The following PARD3B variants were observed in gnomAD, a reference collection of about 807,000 sequenced individuals.
PARD3B encodes the protein par-3 family cell polarity regulator beta, also known as partitioning defective 3 homolog B.
A neutral mutation model predicts 130.2 loss-of-function variants in PARD3B; 103 were observed. The observed-to-expected ratio is 0.79, with a 90% CI of 0.67 to 0.93. PARD3B has a LOEUF of 0.93. PARD3B is among the 40% of genes least tolerant of loss of function. The probability of loss-of-function intolerance (pLI) is 0.00; values close to 1 mark genes in which losing one functional copy is unlikely to be tolerated. For missense variants in PARD3B, 1,609 were observed against 1,499.2 expected (o/e 1.07, Z -1.21); for synonymous variants, 583 against 553.2 (o/e 1.05, Z -0.76).
At chr2:204,603,688 C>G (rs1004280270) in intron 1 of PARD3B, among the ~76,000 whole-genome samples, 6 of 152,054 alleles carry the variant, frequency 3.9e-5, no homozygotes, top group African/African-American at 9.7e-5. Context: ...CTTGATCACT[C>G]CAGCACAATT....
At chr2:205,184,767 T>TACAC (rs925997161) in intron 13 of PARD3B, among the ~76,000 whole-genome samples, 1 of 150,158 alleles carries the variant, frequency 6.7e-6, no homozygotes, top group Non-Finnish European at 1.5e-5. Context: ...AATAAATATA[T>TACAC]ACACACACAC....
In PARD3B at chr2:204,619,156, C is replaced by T. The variant is rs116791840; in HGVS notation, c.121-67025C>T. Among the ~76,000 whole-genome samples, 263 of 152,202 alleles carry T rather than the reference C, an allele frequency of 1.7e-3. 2 individuals carry two copies. The highest frequency in any genetic ancestry group is 6.1e-3 in the African/African-American group (253 of 41,540). On this transcript the variant is annotated intron_variant, in intron 1 of 22. Coordinates refer to ENST00000406610, the MANE Select transcript of PARD3B (RefSeq NM_001302769.2). ...AGAGGGCTGGATATTGGGTTTGTGG[C>T]TGTTCAGCAAGGTTGCAATGCTGAG...
rs1559205012 is a variant in PARD3B at position 204,858,926 on chromosome 2, C to G, written c.223-106226C>G. Among the ~76,000 whole-genome samples, 3 of 151,354 alleles carry G rather than the reference C, an allele frequency of 2.0e-5. No individual in the cohort carries two copies. The East Asian group carries it at 5.8e-4, about 29-fold the overall frequency. ...TTCAGAGTATTTATTGCTTTTAACC[C>G]TCACAAAATTATGCATCATTCTCAT... On this transcript the variant is annotated intron_variant, in intron 2 of 22. Coordinates refer to ENST00000406610, the MANE Select transcript of PARD3B (RefSeq NM_001302769.2).
intron 2 of PARD3B, among the ~76,000 whole-genome samples, chr2:204,946,729 T>C (rs1226808524): frequency 1.3e-5 from 2 of 152,136 alleles, no homozygotes; most frequent in Non-Finnish European, 2.9e-5. Flanking sequence ...GGAGAAGACC[T>C]AAGATCTGTA....
In PARD3B at chr2:205,091,568, G is replaced by A. The variant is rs1296548783; in HGVS notation, c.505-12858G>A. Among the ~76,000 whole-genome samples, 3 of 152,086 alleles carry A rather than the reference G, an allele frequency of 2.0e-5. No homozygotes were observed. The highest frequency in any genetic ancestry group is 2.9e-5 in the Non-Finnish European group (2 of 68,014). The stretch of plus-strand genomic sequence containing the variant: ...TATCACTATTTAAGGATGTGTCTGC[G>A]AAAACATTTATCATCATCTCAGTGC... On this transcript the variant is annotated intron_variant, in intron 4 of 22. Coordinates refer to ENST00000406610, the MANE Select transcript of PARD3B (RefSeq NM_001302769.2). This position sits in a 1 kb window ranked among gnomAD's most constrained non-coding sequence, Gnocchi z 4.2.
intron 3 of PARD3B, among the ~76,000 whole-genome samples, chr2:204,987,799 A>C (rs986726527): frequency 6.6e-6 from 1 of 152,120 alleles, no homozygotes; most frequent in African/African-American, 2.4e-5. Context: ...TATCAGAAAA[A>C]ATTAGAAACA....
chr2:205,034,414 T>G (rs561615594), intron 3 of PARD3B, among the ~76,000 whole-genome samples: 1 of 152,326 alleles, frequency 6.6e-6, no homozygotes, highest in Non-Finnish European at 1.5e-5. Flanking sequence ...TTGTTGATGA[T>G]TGGTCTTCCA....
At chr2:204,622,372 C>T (rs1345715887) in intron 1 of PARD3B, among the ~76,000 whole-genome samples, 2 of 152,074 alleles carry the variant, frequency 1.3e-5, no homozygotes, top group African/African-American at 4.8e-5. Context: ...CCTCATTGTC[C>T]GTGTATGGCA....
chr2:205,462,095 A>G (rs2048471629), intron 20 of PARD3B, among the ~76,000 whole-genome samples: 1 of 152,196 alleles, frequency 6.6e-6, no homozygotes, highest in South Asian at 2.1e-4. Context: ...TAGCTTAGTG[A>G]CTAAAGAAAT....
chr2:204,983,421 G>C (rs542426222), intron 3 of PARD3B, among the ~76,000 whole-genome samples: 4 of 144,318 alleles, frequency 2.8e-5, no homozygotes, highest in Admixed American at 1.4e-4. Context: ...GGAGAGGAAG[G>C]GGGGAGGAGA....
Position 205,550,925 on chromosome 2 carries a change from G to A in PARD3B, c.3181-2399G>A, listed in dbSNP as rs1419075033. 0.016 allele frequency among the ~76,000 whole-genome samples: 538 copies of A among 34,316 alleles called. 4 individuals carry two copies. Among genetic ancestry groups the A allele is most frequent in the African/African-American group, 0.034 (490 of 14,554 alleles). The allele number at this position is 34,316 out of a possible 152,430, so 22.5% of individuals were successfully genotyped here. A position where few individuals can be genotyped will look rare whatever the true frequency, so the allele number is the denominator to read the frequency against. ...TCATGTTATAAATACATATAATTATGTGTGTGTGTGTGTGTGTATATATAT... is the reference window on the plus strand; with the variant it reads ...TCATGTTATAAATACATATAATTATATGTGTGTGTGTGTGTGTATATATAT... On this transcript the variant is annotated intron_variant, in intron 21 of 22. Coordinates refer to ENST00000406610, the MANE Select transcript of PARD3B (RefSeq NM_001302769.2). This position sits in a 1 kb window ranked among gnomAD's most constrained non-coding sequence, Gnocchi z 4.5.
chr2:204,572,238 G>A (rs1006533551), intron 1 of PARD3B, among the ~76,000 whole-genome samples: 3 of 152,136 alleles, frequency 2.0e-5, no homozygotes, highest in African/African-American at 7.2e-5. Context: ...TAAGATATGG[G>A]GTGCCTGGCC....
At chr2:205,295,750 A>G (rs1046035480) in intron 16 of PARD3B, among the ~76,000 whole-genome samples, 6 of 152,178 alleles carry the variant, frequency 3.9e-5, no homozygotes, top group Non-Finnish European at 8.8e-5. Context: ...AAACATTGCC[A>G]ATTAAATCTC....
intron 4 of PARD3B, among the ~76,000 whole-genome samples, chr2:205,056,169 G>T (rs1310524850): frequency 6.6e-6 from 1 of 151,938 alleles, no homozygotes; most frequent in Non-Finnish European, 1.5e-5. Context: ...ATTTCTTTGA[G>T]CATGGTGTGA....
intron 2 of PARD3B, among the ~76,000 whole-genome samples, chr2:204,815,936 A>G (rs957085733): frequency 1.3e-5 from 2 of 151,994 alleles, no homozygotes; most frequent in African/African-American, 4.8e-5. Context: ...CGTTGGACAC[A>G]TTGTTTGATA....
intron 1 of PARD3B, among the ~76,000 whole-genome samples, chr2:204,597,218 G>A (rs928643671): frequency 2.0e-5 from 3 of 151,380 alleles, no homozygotes; most frequent in African/African-American, 4.9e-5. Flanking sequence ...TCATTTCTGC[G>A]AATGGATGAA....
At chr2:204,879,527 G>A (rs1262561354) in intron 2 of PARD3B, among the ~76,000 whole-genome samples, 1 of 152,144 alleles carries the variant, frequency 6.6e-6, no homozygotes, top group East Asian at 1.9e-4. Flanking sequence ...GACATGGTCA[G>A]CTCTAAGACT....
In PARD3B at chr2:204,820,071, C is replaced by CTT. The variant is rs557143420; in HGVS notation, c.222+133809_222+133810dup. Among the ~76,000 whole-genome samples the CTT allele has an allele frequency of 6.4e-3, 631 of 98,394 alleles. 23 individuals carry two copies. The highest frequency in any genetic ancestry group is 0.021 in the East Asian group (63 of 3,056). The allele number at this position is 98,394 out of a possible 152,430, so 64.6% of individuals were successfully genotyped here. ...GAAGGTGGCTACATTAAACAATAGA[C>CTT]TTTTTTTTTTTTTTTTTTTTTGAGA... On this transcript the variant is annotated intron_variant, in intron 2 of 22. Coordinates refer to ENST00000406610, the MANE Select transcript of PARD3B (RefSeq NM_001302769.2).
chr2:204,998,689 T>C (rs1694561634), intron 3 of PARD3B, among the ~76,000 whole-genome samples: 1 of 151,824 alleles, frequency 6.6e-6, no homozygotes, highest in African/African-American at 2.4e-5. Context: ...GGTTAAATGT[T>C]TTTCGCTTTT....
Sources: gnomAD v4.1 joint callset for allele counts (sites outside exome capture counted in the v4.1 genomes callset) on GRCh38, gnomAD v4.1.1 for gene constraint, Gnocchi (gnomAD v3.1) non-coding constraint, MANE v1.5 for transcripts, NCBI Gene and HGNC (gene_info 2026-07-23, HGNC 2026-07-21) for gene names.